The following LOC128462377 variants were observed in gnomAD, a reference collection of about 807,000 sequenced individuals.
chr16:89,370,488 G>A, the LOC128462377 span, among the ~76,000 whole-genome samples: 2 of 152,170 alleles, frequency 1.3e-5, no homozygotes, highest in South Asian at 2.1e-4. Context: ...GGGCCTTGAG[G>A]CAAATTCCCC....
the LOC128462377 span, among the ~76,000 whole-genome samples, chr16:89,330,710 G>T: frequency 7.3e-6 from 1 of 137,326 alleles, no homozygotes; most frequent in Non-Finnish European, 1.5e-5. Context: ...CTCTTGTATC[G>T]GAAGTCCCAC....
chr16:89,324,584 G>A, the LOC128462377 span: 2 of 450,896 alleles, frequency 4.4e-6, no homozygotes, highest in Non-Finnish European at 8.9e-6. Flanking sequence ...GGGGGGGCAT[G>A]ATCTCATCAG....
chr16:89,343,527 G>C, the LOC128462377 span, among the ~76,000 whole-genome samples: 249 of 152,300 alleles, frequency 1.6e-3, 4 homozygotes, highest in South Asian at 0.018. Flanking sequence ...GACAGAGCTC[G>C]AGGTGGGCTG....
chr16:89,396,878 G>T, the LOC128462377 span, among the ~76,000 whole-genome samples: 1 of 152,080 alleles, frequency 6.6e-6, no homozygotes, highest in African/African-American at 2.4e-5. Context: ...GTAAAGACGG[G>T]GTTTCACCAT....
At chr16:89,342,817 CA>C in the LOC128462377 span, among the ~76,000 whole-genome samples, 2 of 152,120 alleles carry the variant, frequency 1.3e-5, no homozygotes, top group Non-Finnish European at 2.9e-5. Flanking sequence ...ACAGAATAAC[CA>C]AACTTTTGTT....
At chr16:89,397,291 C>CT in the LOC128462377 span, among the ~76,000 whole-genome samples, 1 of 152,244 alleles carries the variant, frequency 6.6e-6, no homozygotes, top group Non-Finnish European at 1.5e-5. Context: ...CAAGAACCCC[C>CT]TCAGGGCAAG....
chr16:89,395,153 C>T, the LOC128462377 span, among the ~76,000 whole-genome samples: 3 of 152,356 alleles, frequency 2.0e-5, no homozygotes, highest in South Asian at 6.2e-4. Flanking sequence ...ACCACTCAAA[C>T]GATCCAAGAG....
the LOC128462377 span, among the ~76,000 whole-genome samples, chr16:89,346,435 T>G: frequency 1.3e-5 from 2 of 151,978 alleles, no homozygotes; most frequent in African/African-American, 4.8e-5. Context: ...AATAATCACA[T>G]AGAAAATAAC....
At chr16:89,415,440 A>T in the LOC128462377 span, among the ~76,000 whole-genome samples, 2 of 146,622 alleles carry the variant, frequency 1.4e-5, no homozygotes, top group Admixed American at 6.8e-5. Flanking sequence ...AATTTTTTGT[A>T]TTTTTAGTAG....
the LOC128462377 span, among the ~76,000 whole-genome samples, chr16:89,406,150 A>G: frequency 1.7e-4 from 25 of 151,330 alleles, no homozygotes; most frequent in African/African-American, 5.8e-4. Context: ...GAAAATCACC[A>G]AAGTCCTAAG....
chr16:89,342,197 A>G, the LOC128462377 span, among the ~76,000 whole-genome samples: 4 of 152,256 alleles, frequency 2.6e-5, no homozygotes, highest in African/African-American at 7.2e-5. Flanking sequence ...ACTGACAGGT[A>G]GGTCTCCACC....
At chr16:89,384,810 A>T in the LOC128462377 span, among the ~76,000 whole-genome samples, 1 of 151,240 alleles carries the variant, frequency 6.6e-6, no homozygotes, top group Non-Finnish European at 1.5e-5. Flanking sequence ...CCAACAACAG[A>T]ACCGCTGCAG....
At chr16:89,343,874 G>C in the LOC128462377 span, 2 of 152,282 alleles carry the variant, frequency 1.3e-5, no homozygotes, top group African/African-American at 4.8e-5. Context: ...CACTCCCATG[G>C]ACCAACAGAG....
chr16:89,391,186 C>T, the LOC128462377 span, among the ~76,000 whole-genome samples: 3 of 150,124 alleles, frequency 2.0e-5, no homozygotes, highest in South Asian at 6.3e-4. Flanking sequence ...CGAGATCGCG[C>T]CACTGAACTC....
the LOC128462377 span, among the ~76,000 whole-genome samples, chr16:89,418,030 A>C: frequency 1.3e-5 from 2 of 152,222 alleles, no homozygotes; most frequent in African/African-American, 2.4e-5. Flanking sequence ...ATAGGCTATT[A>C]ACAACCTATT....
the LOC128462377 span, among the ~76,000 whole-genome samples, chr16:89,338,175 C>G: frequency 7.2e-5 from 11 of 152,302 alleles, no homozygotes; most frequent in East Asian, 3.9e-4. Flanking sequence ...GGTGTGCTGC[C>G]CCGAGACGCA....
chr16:89,369,494 G>A, the LOC128462377 span, among the ~76,000 whole-genome samples: 2 of 152,226 alleles, frequency 1.3e-5, no homozygotes, highest in Non-Finnish European at 2.9e-5. Context: ...AAGCTCTGCC[G>A]TATCAGACAC....
At chr16:89,334,012 T>C in the LOC128462377 span, among the ~76,000 whole-genome samples, 1 of 151,774 alleles carries the variant, frequency 6.6e-6, no homozygotes, top group South Asian at 2.1e-4. Context: ...TTTCTCAATC[T>C]ATAAAATACA....
the LOC128462377 span, among the ~76,000 whole-genome samples, chr16:89,332,672 G>C: frequency 6.6e-6 from 1 of 152,224 alleles, no homozygotes; most frequent in Admixed American, 6.5e-5. Context: ...CACAACGAGA[G>C]AGGCGCTGAG....
Sources: gnomAD v4.1 joint callset for allele counts (sites outside exome capture counted in the v4.1 genomes callset) on GRCh38, gnomAD v4.1.1 for gene constraint, MANE v1.5 for transcripts.